Variants in VPS54 observed in about 807,000 individuals in gnomAD.
VPS54 encodes vacuolar protein sorting-associated protein 54.
VPS54 carries 45 observed loss-of-function variants against 121.5 expected under a neutral mutation model. That is an observed-to-expected ratio of 0.37 (90% CI 0.29 to 0.47). VPS54 has a LOEUF of 0.47. Among genes scored for constraint, VPS54 ranks in the 20% least tolerant of loss-of-function variants. VPS54 has a pLI of 0.99. For missense variants in VPS54, 1,090 were observed against 1,131.4 expected (o/e 0.96, Z 0.52); for synonymous variants, 371 against 385.8 (o/e 0.96, Z 0.45).
intron 1 of VPS54, among the ~76,000 whole-genome samples, chr2:63,984,326 T>C (rs1007191909): frequency 6.6e-6 from 1 of 152,356 alleles, no homozygotes; most frequent in South Asian, 2.1e-4. Context: ...TACACAGTAG[T>C]TATGCATTAT....
intron 8 of VPS54, 25 bp from the exon 9 acceptor site, chr2:63,947,515 T>C (rs1246539248): frequency 1.1e-5 from 16 of 1,436,584 alleles, no homozygotes; most frequent in Non-Finnish European, 1.5e-5. Context: ...GTATGTAACT[T>C]GACATTTTAA....
chr2:63,978,152 T>C (rs894192413), intron 3 of VPS54, among the ~76,000 whole-genome samples: 1 of 152,224 alleles, frequency 6.6e-6, no homozygotes, highest in Non-Finnish European at 1.5e-5. Context: ...GATTTTCAGT[T>C]TGCTAAGGTT....
chr2:63,948,043 C>T (rs1436620811), intron 8 of VPS54, among the ~76,000 whole-genome samples: 1 of 152,096 alleles, frequency 6.6e-6, no homozygotes, highest in African/African-American at 2.4e-5. Context: ...GTTGCCCAGG[C>T]TGGTCTCAAA....
At chr2:63,914,318 A>T (rs1673282623) in intron 16 of VPS54, 31 bp from the exon 17 acceptor site, 1 of 1,424,458 alleles carries the variant, frequency 7.0e-7, no homozygotes, top group East Asian at 2.3e-5. Context: ...CCCAATAGGA[A>T]ATCAAAACAA....
intron 7 of VPS54, among the ~76,000 whole-genome samples, chr2:63,961,704 C>A (rs1377647144): frequency 2.0e-5 from 3 of 152,132 alleles, no homozygotes; most frequent in Non-Finnish European, 4.4e-5. Context: ...AGGCTTTCAA[C>A]ACAAACTTAA....
intron 12 of VPS54, among the ~76,000 whole-genome samples, chr2:63,925,884 G>A: frequency 6.6e-6 from 1 of 152,158 alleles, no homozygotes; most frequent in East Asian, 1.9e-4. Flanking sequence ...TTCTTGAGGG[G>A]GGTGACAATT....
At chr2:63,951,475 TCAAA>T (rs1358572936) in intron 7 of VPS54, among the ~76,000 whole-genome samples, 2 of 152,080 alleles carry the variant, frequency 1.3e-5, no homozygotes, top group East Asian at 1.9e-4. Context: ...GAGGAACTGC[TCAAA>T]CATAGATGAC....
intron 1 of VPS54, among the ~76,000 whole-genome samples, chr2:63,994,591 T>C (rs1473768784): frequency 6.6e-6 from 1 of 152,200 alleles, no homozygotes; most frequent in Non-Finnish European, 1.5e-5. Flanking sequence ...CCTGGTTGTA[T>C]CCATCTAGAA....
intron 8 of VPS54, among the ~76,000 whole-genome samples, chr2:63,948,574 T>C (rs192129465): frequency 1.1e-4 from 16 of 151,998 alleles, no homozygotes; most frequent in Admixed American, 1.0e-3. Flanking sequence ...CTAATTTTTT[T>C]ATTTTTCGTA....
chr2:63,895,573 C>T (rs571018612), intron 22 of VPS54, among the ~76,000 whole-genome samples: 2 of 152,294 alleles, frequency 1.3e-5, no homozygotes, highest in South Asian at 4.1e-4. Flanking sequence ...GTGGCGGTTA[C>T]GCATCACTGT....
intron 7 of VPS54, among the ~76,000 whole-genome samples, chr2:63,950,967 T>C (rs1160991357): frequency 6.6e-6 from 1 of 152,172 alleles, no homozygotes; most frequent in Non-Finnish European, 1.5e-5. Flanking sequence ...TATCAAACCA[T>C]CCTTTGCTGG....
At chr2:63,974,759 A>G (rs754297155) in intron 3 of VPS54, among the ~76,000 whole-genome samples, 1 of 152,212 alleles carries the variant, frequency 6.6e-6, no homozygotes, top group Non-Finnish European at 1.5e-5. Context: ...TAAGAAAGTA[A>G]TTAACTTTTA....
At chr2:63,917,262 T>C (rs1322118520) in intron 15 of VPS54, among the ~76,000 whole-genome samples, 1 of 152,058 alleles carries the variant, frequency 6.6e-6, no homozygotes, top group Non-Finnish European at 1.5e-5. Context: ...TTCAGGGTTG[T>C]TGTTAATGGT....
chr2:63,898,329 G>A (rs1340612442), intron 21 of VPS54, among the ~76,000 whole-genome samples: 3 of 152,170 alleles, frequency 2.0e-5, no homozygotes, highest in Non-Finnish European at 4.4e-5. Flanking sequence ...CATGTGGAAT[G>A]GAAAGGATGG....
At chr2:64,009,311 T>C (rs1293268179) in intron 1 of VPS54, among the ~76,000 whole-genome samples, 2 of 152,088 alleles carry the variant, frequency 1.3e-5, no homozygotes, top group African/African-American at 4.8e-5. Flanking sequence ...AAAGATACTA[T>C]ACATTTTCTT....
intron 11 of VPS54, among the ~76,000 whole-genome samples, chr2:63,938,260 C>G (rs1448598487): frequency 1.3e-5 from 2 of 151,868 alleles, no homozygotes; most frequent in African/African-American, 4.8e-5. Context: ...GCTACTATGT[C>G]AGGCCTATAT....
At chr2:64,018,903 G>C (rs1678844010) in intron 1 of VPS54, 35 bp downstream of exon 1, 4 of 150,628 alleles carry the variant, frequency 2.7e-5, no homozygotes, top group Admixed American at 1.3e-4. Context: ...GTGAGAGTGG[G>C]CTGAGACGCG....
intron 22 of VPS54, among the ~76,000 whole-genome samples, chr2:63,897,259 C>A (rs74360644): frequency 6.6e-6 from 1 of 152,046 alleles, no homozygotes; most frequent in Admixed American, 6.5e-5. Flanking sequence ...CTAATTCACA[C>A]TGCCTCAAAA....
At chr2:63,899,332 C>T (rs1672577360) in intron 21 of VPS54, 142 bp downstream of exon 21, 5 of 649,830 alleles carry the variant, frequency 7.7e-6, no homozygotes, top group Middle Eastern at 4.1e-4. Flanking sequence ...CATGTTCTAC[C>T]AGTCAATATA....
Sources: allele counts gnomAD v4.1 joint callset (sites outside exome capture counted in the v4.1 genomes callset), GRCh38; gene constraint gnomAD v4.1.1; transcripts MANE v1.5; gene names NCBI Gene and HGNC (gene_info 2026-07-23, HGNC 2026-07-21).